Variants in RIMBP2 observed in about 807,000 individuals in gnomAD.
The protein encoded by RIMBP2 is RIMS binding protein 2, also known as RIMS-binding protein 2.
A neutral mutation model predicts 118.6 loss-of-function variants in RIMBP2; 48 were observed. That is an observed-to-expected ratio of 0.40 (90% confidence interval 0.32 to 0.51). The LOEUF (loss-of-function observed/expected upper bound fraction) is 0.51, where lower values mean the gene tolerates loss of function less well. Ranked by LOEUF, RIMBP2 falls within the 20% of genes least tolerant of loss-of-function variation. The pLI, the probability that RIMBP2 is intolerant of heterozygous loss-of-function variation, is 0.41. For synonymous variants in RIMBP2, 762 were observed against 742.9 expected, an observed-to-expected ratio of 1.03 and a Z score of -0.42; for missense variants, 1,551 against 1,768.3, an observed-to-expected ratio of 0.88 and a Z score of 2.20.
chr12:130,418,954 C>CA (rs1566001332), intron 17 of RIMBP2, among the ~76,000 whole-genome samples: 1 of 152,150 alleles, frequency 6.6e-6, no homozygotes, highest in Non-Finnish European at 1.5e-5. Flanking sequence ...CCCACAATGT[C>CA]ACGTTGTTTT....
At chr12:130,655,692 T>A (rs2063398944) in intron 1 of RIMBP2, among the ~76,000 whole-genome samples, 1 of 152,178 alleles carries the variant, frequency 6.6e-6, no homozygotes, top group South Asian at 2.1e-4. Flanking sequence ...GGCACACACA[T>A]GTATATACAG....
chr12:130,415,691 T>C (rs887038917), intron 17 of RIMBP2, among the ~76,000 whole-genome samples: 1 of 151,426 alleles, frequency 6.6e-6, no homozygotes, highest in African/African-American at 2.4e-5. Context: ...GGCATCCATA[T>C]AGGAAATAAG....
At chr12:130,535,315 A>G (rs2053889732) in intron 2 of RIMBP2, among the ~76,000 whole-genome samples, 1 of 151,884 alleles carries the variant, frequency 6.6e-6, no homozygotes, top group Admixed American at 6.6e-5. Context: ...GCTGGGCAAC[A>G]TAGCAAAACC....
Position 130,664,011 on chromosome 12 carries a change from G to A in RIMBP2, c.-351-35555C>T, listed in dbSNP as rs112887259. ...TGAAGCATTGTGGAGCAATTTCCAG[G>A]CTATATTGTGGGTTTTTTTTAAAAA... On this transcript the variant is annotated intron_variant, in intron 1 of 22. Coordinates refer to ENST00000690449, the MANE Select transcript of RIMBP2 (RefSeq NM_001393629.1). Among the ~76,000 whole-genome samples, 86 of 119,590 alleles carry A rather than the reference G, an allele frequency of 7.2e-4. 1 individual carries two copies. The highest frequency in any genetic ancestry group is 2.4e-3 in the African/African-American group (83 of 35,316). 78.5% of individuals were successfully genotyped at this position (119,590 alleles called of 152,430 possible). A position where few individuals can be genotyped will look rare whatever the true frequency, so the allele number is the denominator to read the frequency against.
At chr12:130,660,150 G>A (rs7973760) in intron 1 of RIMBP2, 78,669 of 150,436 alleles carry the variant, frequency 0.52, 21,633 homozygotes, top group Non-Finnish European at 0.62. Flanking sequence ...GATTACAGGC[G>A]TGAGCCACCA....
rs567708699 is a variant in RIMBP2, at chr12:130,523,139, C to T, written c.-216-5222G>A. ...CCAGTCTCACTCTGCCTCTCTCTCT[C>T]TCTCTGCCTCCATGTCTGTCTGTGT... On this transcript the variant is annotated intron_variant, in intron 2 of 22. Coordinates refer to ENST00000690449, the MANE Select transcript of RIMBP2 (RefSeq NM_001393629.1). This position sits in a 1 kb window ranked among gnomAD's most constrained non-coding sequence, Gnocchi z 4.4. Among the ~76,000 whole-genome samples the T allele has an allele frequency of 2.5e-4, 38 of 152,238 alleles. No individual in the cohort carries two copies. Among genetic ancestry groups the T allele is most frequent in the African/African-American group, 7.2e-4 (30 of 41,534 alleles).
intron 2 of RIMBP2, among the ~76,000 whole-genome samples, chr12:130,579,880 A>G (rs1403375997): frequency 1.3e-5 from 2 of 152,088 alleles, no homozygotes; most frequent in Admixed American, 1.3e-4. Flanking sequence ...ATCACTTAAT[A>G]AAGACCAGAT....
At chr12:130,474,526 G>T (rs1017955446) in intron 5 of RIMBP2, among the ~76,000 whole-genome samples, 1 of 152,212 alleles carries the variant, frequency 6.6e-6, no homozygotes, top group Non-Finnish European at 1.5e-5. Flanking sequence ...TCGGCAAACA[G>T]CCACATGAGC....
chr12:130,435,116 G>C (rs1315160742), intron 13 of RIMBP2, among the ~76,000 whole-genome samples: 2 of 151,688 alleles, frequency 1.3e-5, no homozygotes, highest in Non-Finnish European at 2.9e-5. Context: ...CATGATCATA[G>C]CTCACTGAAA....
At chr12:130,538,286 T>C (rs538718433) in intron 2 of RIMBP2, among the ~76,000 whole-genome samples, 6 of 145,842 alleles carry the variant, frequency 4.1e-5, no homozygotes, top group Admixed American at 1.4e-4. Flanking sequence ...CCAAAAGCTC[T>C]TCACAGTGGA....
chr12:130,636,017 C>T (rs1248074134), intron 1 of RIMBP2, among the ~76,000 whole-genome samples: 1 of 152,146 alleles, frequency 6.6e-6, no homozygotes, highest in African/African-American at 2.4e-5. Flanking sequence ...CCATGCCACT[C>T]GTGACCTGGT....
chr12:130,436,792 C>CTT, intron 13 of RIMBP2, 50 bp downstream of exon 13: 1 of 1,336,748 alleles, frequency 7.5e-7, no homozygotes, highest in Non-Finnish European at 9.6e-7. Flanking sequence ...GGCCCCGTCC[C>CTT]GTGGGGTTTG....
chr12:130,461,790 G>A (rs1057340685), intron 6 of RIMBP2, among the ~76,000 whole-genome samples: 3 of 152,124 alleles, frequency 2.0e-5, no homozygotes, highest in South Asian at 2.1e-4. Context: ...TGCCATGATT[G>A]TAAGTTTCCC....
intron 18 of RIMBP2, among the ~76,000 whole-genome samples, chr12:130,413,208 G>T (rs187224212): frequency 2.0e-5 from 3 of 152,176 alleles, no homozygotes; most frequent in Non-Finnish European, 4.4e-5. Context: ...CAGGCATTCC[G>T]ACCGTTCTCA....
intron 2 of RIMBP2, among the ~76,000 whole-genome samples, chr12:130,546,041 G>A (rs574910535): frequency 1.3e-5 from 2 of 152,046 alleles, no homozygotes; most frequent in African/African-American, 2.4e-5. Context: ...TGCCCCTCAT[G>A]GGAGAGTCCT....
chr12:130,598,191 T>C (rs762337191), intron 2 of RIMBP2, among the ~76,000 whole-genome samples: 2 of 152,190 alleles, frequency 1.3e-5, no homozygotes, highest in Non-Finnish European at 2.9e-5. Context: ...ATGAATGACT[T>C]GCCAACTGAA....
At chr12:130,635,252 G>A (rs936032848) in intron 1 of RIMBP2, among the ~76,000 whole-genome samples, 4 of 152,174 alleles carry the variant, frequency 2.6e-5, no homozygotes, top group African/African-American at 9.7e-5. Flanking sequence ...CCAGCGCCTG[G>A]ACCTACCTCT....
At chr12:130,605,718 C>T (rs953564733) in intron 2 of RIMBP2, among the ~76,000 whole-genome samples, 5 of 152,122 alleles carry the variant, frequency 3.3e-5, no homozygotes, top group Admixed American at 6.5e-5. Context: ...TGTGGGGGTT[C>T]ATTGTGCTAT....
chr12:130,592,653 C>T (rs1315454304), intron 2 of RIMBP2, among the ~76,000 whole-genome samples: 2 of 149,526 alleles, frequency 1.3e-5, no homozygotes, highest in Non-Finnish European at 3.0e-5. Flanking sequence ...CGCGCCACTG[C>T]ACTCCAGCCT....
Sources: gnomAD v4.1 joint callset for allele counts (sites outside exome capture counted in the v4.1 genomes callset) on GRCh38, gnomAD v4.1.1 for gene constraint, Gnocchi (gnomAD v3.1) non-coding constraint, MANE v1.5 for transcripts, NCBI Gene and HGNC (gene_info 2026-07-23, HGNC 2026-07-21) for gene names.